The following TMEFF1 variants were observed in gnomAD, a reference collection of about 807,000 sequenced individuals.
TMEFF1 encodes tomoregulin-1.
TMEFF1 carries 20 observed loss-of-function variants against 47.5 expected under a neutral mutation model. That is an observed-to-expected ratio of 0.42 (90% CI 0.30 to 0.61). The LOEUF is 0.61. Among genes scored for constraint, TMEFF1 ranks in the 20% least tolerant of loss-of-function variants. The pLI is 0.19. For synonymous variants in TMEFF1, 162 were observed against 166.3 expected (o/e 0.97, Z 0.20); for missense variants, 411 against 471.1 (o/e 0.87, Z 1.18).
chr9:100,553,842 A>G (rs1444486982), intron 7 of TMEFF1, among the ~76,000 whole-genome samples: 5 of 152,108 alleles, frequency 3.3e-5, no homozygotes, highest in Admixed American at 6.6e-5. Flanking sequence ...TTCTCATTTT[A>G]TGGTTTTTAA....
intron 8 of TMEFF1, among the ~76,000 whole-genome samples, chr9:100,565,488 C>T (rs963434325): frequency 1.3e-5 from 2 of 152,192 alleles, no homozygotes; most frequent in Non-Finnish European, 2.9e-5. Flanking sequence ...CCGGTTAACT[C>T]GTCTCACTGA....
At chr9:100,492,943 GTA>G (rs1171445753) in intron 1 of TMEFF1, among the ~76,000 whole-genome samples, 1 of 152,192 alleles carries the variant, frequency 6.6e-6, no homozygotes, top group East Asian at 1.9e-4. Flanking sequence ...AGCTGTGGCA[GTA>G]TGTTGAGATC....
chr9:100,495,761 A>T (rs2118305066), intron 1 of TMEFF1, among the ~76,000 whole-genome samples: 1 of 152,296 alleles, frequency 6.6e-6, no homozygotes, highest in Non-Finnish European at 1.5e-5. Flanking sequence ...CTTACCTATT[A>T]ATGATATAGG....
At chr9:100,523,209 C>G (rs747877469) in intron 5 of TMEFF1, among the ~76,000 whole-genome samples, 4 of 152,164 alleles carry the variant, frequency 2.6e-5, no homozygotes, top group Non-Finnish European at 5.9e-5. Context: ...AGTCCCATTC[C>G]TGTTTATCAG....
At chr9:100,483,452 G>A (rs1281409263) in intron 1 of TMEFF1, among the ~76,000 whole-genome samples, 1 of 151,986 alleles carries the variant, frequency 6.6e-6, no homozygotes, top group Non-Finnish European at 1.5e-5. Flanking sequence ...AGCCGAGATC[G>A]CACCGTTGCA....
chr9:100,510,827 T>C (rs1837950424), intron 3 of TMEFF1, among the ~76,000 whole-genome samples: 1 of 152,084 alleles, frequency 6.6e-6, no homozygotes, highest in South Asian at 2.1e-4. Context: ...ATGAGTTGGT[T>C]GTGTGGTTAA....
At chr9:100,533,300 T>G (rs1164817551) in intron 5 of TMEFF1, among the ~76,000 whole-genome samples, 2 of 152,190 alleles carry the variant, frequency 1.3e-5, no homozygotes, top group East Asian at 1.9e-4. Context: ...AACAACTGAT[T>G]TAGTTTCTTT....
chr9:100,566,686 C>T (rs866966395), intron 8 of TMEFF1, among the ~76,000 whole-genome samples: 21 of 151,918 alleles, frequency 1.4e-4, no homozygotes, highest in African/African-American at 4.4e-4. Flanking sequence ...ACAGTGAGTG[C>T]CCCCGCCTTT....
chr9:100,528,194 C>T (rs959447968), intron 5 of TMEFF1, among the ~76,000 whole-genome samples: 1 of 151,246 alleles, frequency 6.6e-6, no homozygotes, highest in African/African-American at 2.4e-5. Context: ...CTCTCCTCCT[C>T]CAAAGGAACA....
At chr9:100,481,979 A>G (rs1837345482) in intron 1 of TMEFF1, among the ~76,000 whole-genome samples, 1 of 151,732 alleles carries the variant, frequency 6.6e-6, no homozygotes, top group African/African-American at 2.4e-5. Context: ...ACGGGGTTTC[A>G]CCGTGTTGGC....
intron 1 of TMEFF1, among the ~76,000 whole-genome samples, chr9:100,485,000 G>C (rs1416644029): frequency 3.9e-5 from 6 of 152,126 alleles, no homozygotes; most frequent in Non-Finnish European, 1.5e-5. Context: ...TTTTGCTGTA[G>C]ATTTGTCTAT....
intron 4 of TMEFF1, among the ~76,000 whole-genome samples, chr9:100,515,131 AC>A (rs1838041411): frequency 6.6e-6 from 1 of 152,132 alleles, no homozygotes; most frequent in South Asian, 2.1e-4. Context: ...ACGCCATTGC[AC>A]CCTGTCTCAA....
intron 5 of TMEFF1, among the ~76,000 whole-genome samples, chr9:100,521,251 T>C (rs1208292002): frequency 6.6e-6 from 1 of 152,256 alleles, no homozygotes; most frequent in Admixed American, 6.5e-5. Context: ...TTTTTGCTTC[T>C]AAGAGGCTTC....
intron 7 of TMEFF1, among the ~76,000 whole-genome samples, chr9:100,554,664 G>A (rs1414022234): frequency 2.0e-5 from 3 of 151,712 alleles, no homozygotes; most frequent in Non-Finnish European, 2.9e-5. Context: ...ATTGGAGTGC[G>A]GGTAGGAGTT....
intron 1 of TMEFF1, among the ~76,000 whole-genome samples, chr9:100,475,813 A>G (rs563148711): frequency 1.3e-5 from 2 of 151,236 alleles, no homozygotes; most frequent in Admixed American, 1.3e-4. Context: ...TATGGGCAGG[A>G]AAGTCCCAGG....
Position 100,536,562 on chromosome 9 carries a change from G to A in TMEFF1, c.561-11182G>A, listed in dbSNP as rs560676929. 2.0e-5 allele frequency among the ~76,000 whole-genome samples: 3 copies of A among 152,316 alleles called. No homozygotes were observed. In the East Asian group the frequency reaches 5.8e-4, roughly 29 times the overall value. ...TGTCACTAATTTTGGTAATGGGCAA[G>A]CCATGATCTTTGAGCCTCTGACCTT... On this transcript the variant is annotated intron_variant, in intron 5 of 9. Transcript: ENST00000374879.
chr9:100,499,540 T>C (rs922453118), intron 2 of TMEFF1, among the ~76,000 whole-genome samples: 3 of 152,228 alleles, frequency 2.0e-5, no homozygotes, highest in African/African-American at 7.2e-5. Context: ...AAAAAGGAAC[T>C]AGAATTTTTT....
At chr9:100,501,013 C>G (rs187385056) in intron 2 of TMEFF1, among the ~76,000 whole-genome samples, 3 of 152,248 alleles carry the variant, frequency 2.0e-5, no homozygotes, top group African/African-American at 7.2e-5. Flanking sequence ...AGTTTATACG[C>G]GGAAACTGGG....
Position 100,529,769 on chromosome 9 carries a change from T to C in TMEFF1, c.560+12998T>C, listed in dbSNP as rs1005291755. The stretch of plus-strand genomic sequence containing the variant: ...TAATAGACATCTACAGAACTCTCCA[T>C]CCCAAATCAACAGAATATACATTTT... On this transcript the variant is annotated intron_variant, in intron 5 of 9. Coordinates refer to ENST00000374879, the MANE Select transcript of TMEFF1 (RefSeq NM_003692.5). Among the ~76,000 whole-genome samples, 247 of 151,964 alleles carry C rather than the reference T, an allele frequency of 1.6e-3. 2 individuals are homozygous for C. The highest frequency in any genetic ancestry group is 3.4e-3 in the Middle Eastern group (1 of 294).
Sources: allele counts gnomAD v4.1 joint callset (sites outside exome capture counted in the v4.1 genomes callset), GRCh38; gene constraint gnomAD v4.1.1; transcripts MANE v1.5; gene names NCBI Gene and HGNC (gene_info 2026-07-23, HGNC 2026-07-21).